Variants in TRAPPC12 observed in about 807,000 individuals in gnomAD.
TRAPPC12 encodes the protein TPR repeat protein 15.
TRAPPC12 carries 61 observed loss-of-function variants against 69.2 expected under a neutral mutation model. That is an observed-to-expected ratio of 0.88 (90% CI 0.72 to 1.09). The LOEUF (loss-of-function observed/expected upper bound fraction) is 1.09. Among genes scored for constraint, TRAPPC12 ranks in the 50% least tolerant of loss-of-function variants. The pLI is 0.00. For synonymous variants in TRAPPC12, 469 were observed against 438.9 expected, an observed-to-expected ratio of 1.07 and a Z score of -0.86; for missense variants, 1,101 against 1,016.4, an observed-to-expected ratio of 1.08 and a Z score of -1.13.
At chr2:3,401,945 G>A (rs751982252) in intron 3 of TRAPPC12, 52 bp downstream of exon 3, 65 of 1,185,566 alleles carry the variant, frequency 5.5e-5, no homozygotes, top group Non-Finnish European at 7.4e-5. Context: ...AGTCCTGCCT[G>A]CCTTCATAAT....
chr2:3,453,388 C>T (rs1664956400), intron 6 of TRAPPC12, among the ~76,000 whole-genome samples: 1 of 152,192 alleles, frequency 6.6e-6, no homozygotes, highest in Non-Finnish European at 1.5e-5. Context: ...CTTTCTGCCC[C>T]TCGGCCCCTG....
intron 9 of TRAPPC12, chr2:3,467,327 A>C (rs1240011864): frequency 6.6e-6 from 1 of 152,240 alleles, no homozygotes; most frequent in Non-Finnish European, 1.5e-5. Context: ...GCCCCACACA[A>C]GTGCCTCGAT....
At chr2:3,390,626 A>G in intron 2 of TRAPPC12, among the ~76,000 whole-genome samples, 1 of 152,244 alleles carries the variant, frequency 6.6e-6, no homozygotes, top group Non-Finnish European at 1.5e-5. Context: ...ATTTTAAGGC[A>G]ATGAAACTAT....
At chr2:3,461,276 C>G (rs1665480841) in intron 8 of TRAPPC12, among the ~76,000 whole-genome samples, 1 of 152,202 alleles carries the variant, frequency 6.6e-6, no homozygotes, top group South Asian at 2.1e-4. Context: ...TCCGAGCAGG[C>G]TGGGTGCGGG....
chr2:3,460,934 T>A (rs1263375796), intron 8 of TRAPPC12: 2 of 153,014 alleles, frequency 1.3e-5, no homozygotes, highest in Non-Finnish European at 2.9e-5. Flanking sequence ...CCTCCCACAC[T>A]GGGCATCAGG....
In TRAPPC12 at chr2:3,387,949, G is replaced by A; in HGVS notation, c.326G>A (p.Ser109Asn). 1 of 1,493,992 alleles carries A rather than the reference G, an allele frequency of 6.7e-7. No individual in the cohort carries two copies. Among genetic ancestry groups the A allele is most frequent in the Non-Finnish European group, 8.9e-7 (1 of 1,125,324 alleles). 92.5% of individuals were successfully genotyped at this position (1,493,992 alleles called of 1,614,324 possible). A position where few individuals can be genotyped will look rare whatever the true frequency, so the allele number is the denominator to read the frequency against. ...GGCCCGGAGCCCGCGGGCACCCCGA[G>A]TCCCAGCGGCGAGGCCGACGGCGAC... ...DPGPEPAGTP[S>N]PSGEADGDCA... The change falls in exon 2 of 12, where the codon AGT becomes AAT. Residue 109 changes from serine (S) to asparagine (N), a missense_variant. Physicochemically the swap from Ser to Asn is conservative, Grantham distance 46. Transcript: ENST00000324266.
chr2:3,419,115 T>C (rs1330897197), intron 3 of TRAPPC12, among the ~76,000 whole-genome samples: 2 of 152,122 alleles, frequency 1.3e-5, no homozygotes, highest in East Asian at 3.9e-4. Flanking sequence ...CCCCTCCCCT[T>C]CCCTGATTAA....
intron 6 of TRAPPC12, among the ~76,000 whole-genome samples, chr2:3,450,553 C>G (rs563577498): frequency 6.6e-6 from 1 of 152,154 alleles, no homozygotes; most frequent in Non-Finnish European, 1.5e-5. Flanking sequence ...CCCGGGGTGG[C>G]GAGGGGGCGC....
rs763918899 is a variant in TRAPPC12 at position 3,478,878 on chromosome 2, C to A, written c.1910C>A (p.Ala637Glu). The change falls in exon 11 of 12, where the codon GCA becomes GAA. Residue 637 changes from alanine to glutamate, a missense_variant. Coordinates refer to ENST00000324266, the MANE Select transcript of TRAPPC12 (RefSeq NM_016030.6). ...CTTCACCTCGGGCAGAATAACTTTG[C>A]AGAAGCCCACAGGTTCTTCACAGAG... ...AFLHLGQNNF[A>E]EAHRFFTEIL... 1 of 1,614,166 alleles carries A rather than the reference C, an allele frequency of 6.2e-7. No homozygotes were observed. Among genetic ancestry groups the A allele is most frequent in the Non-Finnish European group, 8.5e-7 (1 of 1,180,044 alleles).
chr2:3,412,653 G>A (rs1185081560), intron 3 of TRAPPC12, among the ~76,000 whole-genome samples: 1 of 152,178 alleles, frequency 6.6e-6, no homozygotes, highest in Non-Finnish European at 1.5e-5. Flanking sequence ...TGGAGCAGGG[G>A]CGTGTGAGGG....
intron 2 of TRAPPC12, among the ~76,000 whole-genome samples, chr2:3,389,392 C>G (rs1397059844): frequency 6.6e-6 from 1 of 152,220 alleles, no homozygotes; most frequent in Non-Finnish European, 1.5e-5. Context: ...GGGGGCTGCT[C>G]CAACCGCCAG....
intron 6 of TRAPPC12, among the ~76,000 whole-genome samples, chr2:3,444,247 C>A (rs114430945): frequency 3.9e-5 from 6 of 152,262 alleles, no homozygotes; most frequent in African/African-American, 1.4e-4. Flanking sequence ...GCACCTGCCA[C>A]GTGCAGACAG....
chr2:3,424,614 G>T lies in TRAPPC12; in HGVS notation c.1368G>T (p.Gln456His). Residue 456 changes from glutamine (Q) to histidine (H), a missense_variant, in exon 5 of 12, where the codon CAG becomes CAT. Gln to His is a conservative substitution (Grantham distance 24). Transcript: ENST00000324266. The part of the protein sequence containing the change: ...MEFEPFGNLD[Q>H]PDLYYEYYPH... ...TTGAACCCTTCGGAAATCTTGATCA[G>T]CCAGATCTTTATTACGAGTACTACC... The T allele has an allele frequency of 6.2e-7, 1 of 1,614,036 alleles. No homozygotes were observed. Among genetic ancestry groups the T allele is most frequent in the African/African-American group, 1.3e-5 (1 of 75,024 alleles).
chr2:3,443,453 G>A (rs1188550724), intron 5 of TRAPPC12, among the ~76,000 whole-genome samples: 2 of 152,152 alleles, frequency 1.3e-5, no homozygotes, highest in South Asian at 2.1e-4. Flanking sequence ...TGAGCATTCT[G>A]GTTTTTCTTT....
intron 3 of TRAPPC12, among the ~76,000 whole-genome samples, chr2:3,403,685 A>C (rs1661578409): frequency 6.6e-6 from 1 of 152,220 alleles, no homozygotes; most frequent in African/African-American, 2.4e-5. Context: ...TTTAAAGTTT[A>C]TTTTGGAGTA....
intron 5 of TRAPPC12, among the ~76,000 whole-genome samples, chr2:3,427,882 G>A (rs1663204323): frequency 6.8e-6 from 1 of 145,992 alleles, no homozygotes; most frequent in Non-Finnish European, 1.5e-5. Flanking sequence ...AACAGAGTGA[G>A]ACTCTGTCCC....
intron 6 of TRAPPC12, among the ~76,000 whole-genome samples, chr2:3,452,319 C>T (rs945624602): frequency 6.6e-6 from 1 of 152,148 alleles, no homozygotes; most frequent in African/African-American, 2.4e-5. Context: ...CTTGCACGGC[C>T]GGGTCTCAGA....
intron 9 of TRAPPC12, chr2:3,467,873 G>C (rs934031169): frequency 6.6e-6 from 1 of 152,264 alleles, no homozygotes; most frequent in Non-Finnish European, 1.5e-5. Flanking sequence ...GCGGGACCCT[G>C]TGTGTACACG....
At chr2:3,390,654 T>C (rs1660769589) in intron 2 of TRAPPC12, among the ~76,000 whole-genome samples, 1 of 152,230 alleles carries the variant, frequency 6.6e-6, no homozygotes, top group South Asian at 2.1e-4. Context: ...GATACTTTAA[T>C]GCTGGGTACA....
Sources: gnomAD v4.1 joint callset for allele counts (sites outside exome capture counted in the v4.1 genomes callset) on GRCh38, gnomAD v4.1.1 for gene constraint, MANE v1.5 for transcripts, NCBI Gene and HGNC (gene_info 2026-07-23, HGNC 2026-07-21) for gene names.